Variants in PCDHGA8 observed in about 807,000 individuals in gnomAD.
The protein encoded by PCDHGA8 is protocadherin gamma subfamily A, 8.
PCDHGA8 carries 45 observed loss-of-function variants against 59.2 expected under a neutral mutation model. The observed-to-expected ratio is 0.76, with a 90% CI of 0.60 to 0.98. The LOEUF (loss-of-function observed/expected upper bound fraction) is 0.98. PCDHGA8 is among the 50% of genes least tolerant of loss of function. The pLI, the probability that PCDHGA8 is intolerant of heterozygous loss-of-function variation, is 0.00. For synonymous variants in PCDHGA8, 531 were observed against 519.0 expected (o/e 1.02, Z -0.32); for missense variants, 1,257 against 1,196.2 (o/e 1.05, Z -0.75).
rs537619617 is a variant in PCDHGA8 at position 141,483,429 on chromosome 5, C to G, written c.2425-11378C>G. On this transcript the variant is annotated intron_variant, in intron 1 of 3. Coordinates refer to ENST00000398604, the MANE Select transcript of PCDHGA8 (RefSeq NM_032088.2). ...ACAGTGGCAGTACAGATGGAGGGAGCTGACTACAATAAAATCATCAGGACT... is the reference window on the plus strand; with the variant it reads ...ACAGTGGCAGTACAGATGGAGGGAGGTGACTACAATAAAATCATCAGGACT... Among the ~76,000 whole-genome samples the G allele has an allele frequency of 5.3e-5, 8 of 152,158 alleles. No individual in the cohort carries two copies. In the East Asian group the frequency reaches 1.5e-3, roughly 29 times the overall value.
intron 1 of PCDHGA8, among the ~76,000 whole-genome samples, chr5:141,401,288 G>A (rs973425272): frequency 1.3e-5 from 2 of 152,094 alleles, no homozygotes; most frequent in Non-Finnish European, 2.9e-5. Flanking sequence ...GTTGCGGTGA[G>A]CCGAGATCAC....
intron 1 of PCDHGA8, among the ~76,000 whole-genome samples, chr5:141,467,032 T>G (rs551565159): frequency 2.0e-5 from 3 of 152,164 alleles, no homozygotes; most frequent in Non-Finnish European, 2.9e-5. Flanking sequence ...GTTTTTGTTT[T>G]TTGTGTAATG....
At chr5:141,433,391 CTA>C (rs1477426085) in intron 1 of PCDHGA8, among the ~76,000 whole-genome samples, 3 of 151,570 alleles carry the variant, frequency 2.0e-5, no homozygotes, top group African/African-American at 7.3e-5. Context: ...ATCTATCTAT[CTA>C]TCTATCTATC....
At chr5:141,413,234 T>C (rs2095618811) in intron 1 of PCDHGA8, 2 of 1,613,838 alleles carry the variant, frequency 1.2e-6, no homozygotes, top group Non-Finnish European at 1.7e-6. Context: ...CTGGTCCTGC[T>C]CTGCCTTTTC....
intron 1 of PCDHGA8, chr5:141,413,740 C>T (rs1274240064): frequency 5.6e-6 from 9 of 1,613,284 alleles, no homozygotes; most frequent in African/African-American, 1.3e-5. Flanking sequence ...AGTTCAGAGC[C>T]GTGCCAATGG....
chr5:141,434,992 C>A (rs2097735368), intron 1 of PCDHGA8, among the ~76,000 whole-genome samples: 1 of 151,902 alleles, frequency 6.6e-6, no homozygotes, highest in Non-Finnish European at 1.5e-5. Context: ...ATATCATTTT[C>A]TAGCTGAATT....
chr5:141,489,283 G>A lies in PCDHGA8; in HGVS notation c.2425-5524G>A. The A allele has an allele frequency of 6.4e-7, 1 of 1,569,594 alleles. No homozygotes were observed. Among genetic ancestry groups the A allele is most frequent in the Admixed American group, 1.8e-5 (1 of 55,646 alleles). ...CCCACAGCTCGCTGGGAAATGGCAA[G>A]TGCTGTGCATGTTGTCCTTGTGCTG... On this transcript the variant is annotated intron_variant, in intron 1 of 3. Coordinates refer to ENST00000398604, the MANE Select transcript of PCDHGA8 (RefSeq NM_032088.2). This position sits in a 1 kb window ranked among gnomAD's most constrained non-coding sequence, Gnocchi z 4.5.
In PCDHGA8 at chr5:141,511,979, T is replaced by C. The variant is rs1205375941; in HGVS notation, c.*806T>C. ...AGGAAGGGAAGTGTGTGGATGTGGA[T>C]GGTGGGGGCATGGACAAAGCTTGAC... On this transcript the variant is annotated 3_prime_UTR_variant, in exon 4 of 4. Transcript: ENST00000398604. The C allele has an allele frequency of 6.5e-5, 10 of 153,278 alleles. No individual in the cohort carries two copies. The highest frequency in any genetic ancestry group is 1.5e-4 in the Non-Finnish European group (10 of 68,568). The allele number at this position is 153,278 out of a possible 1,614,324, so 9.5% of individuals were successfully genotyped here.
Position 141,489,533 on chromosome 5 carries a change from C to G in PCDHGA8, c.2425-5274C>G, listed in dbSNP as rs754586925. The G allele has an allele frequency of 6.2e-7, 1 of 1,614,086 alleles. No individual in the cohort carries two copies. The highest frequency in any genetic ancestry group is 1.7e-5 in the Admixed American group (1 of 60,030). ...ATTGACCGAGAAAGCCTATGTGGAG[C>G]CAGCACCAGCTGCCTGCTGCCAGTG... On this transcript the variant is annotated intron_variant, in intron 1 of 3. Coordinates refer to ENST00000398604, the MANE Select transcript of PCDHGA8 (RefSeq NM_032088.2). The surrounding 1 kb of genome is among the most constrained non-coding windows in gnomAD (Gnocchi z 4.5).
At chr5:141,444,876 G>A (rs921183358) in intron 1 of PCDHGA8, among the ~76,000 whole-genome samples, 1 of 152,186 alleles carries the variant, frequency 6.6e-6, no homozygotes, top group African/African-American at 2.4e-5. Flanking sequence ...GACAAAGCTT[G>A]TAGGATTTTT....
intron 1 of PCDHGA8, chr5:141,422,988 C>T: frequency 6.2e-7 from 1 of 1,614,232 alleles, no homozygotes; most frequent in Non-Finnish European, 8.5e-7. Context: ...AACCTGGCTA[C>T]CTGGTGACCA....
intron 2 of PCDHGA8, among the ~76,000 whole-genome samples, chr5:141,502,625 T>G (rs2099815384): frequency 6.6e-6 from 1 of 152,210 alleles, no homozygotes; most frequent in Admixed American, 6.5e-5. Context: ...ATAAGTAATC[T>G]GTGGATGATA....
At chr5:141,452,524 C>T (rs542476667) in intron 1 of PCDHGA8, among the ~76,000 whole-genome samples, 83 of 152,294 alleles carry the variant, frequency 5.4e-4, no homozygotes, top group African/African-American at 1.9e-3. Flanking sequence ...CCCTCAAAAT[C>T]GTGAGTTCAT....
At chr5:141,419,936 G>C in intron 1 of PCDHGA8, 1 of 1,614,074 alleles carries the variant, frequency 6.2e-7, no homozygotes, top group Non-Finnish European at 8.5e-7. Context: ...GTTTTACCTG[G>C]TGGTGGCCTT....
At chr5:141,420,077 C>A (rs760626443) in intron 1 of PCDHGA8, 1 of 1,613,900 alleles carries the variant, frequency 6.2e-7, no homozygotes, top group Non-Finnish European at 8.5e-7. Context: ...ACCTGTGGGT[C>A]CCCCCAACTA....
At chr5:141,492,218 T>C (rs2099738354) in intron 1 of PCDHGA8, among the ~76,000 whole-genome samples, 1 of 152,114 alleles carries the variant, frequency 6.6e-6, no homozygotes. Flanking sequence ...GCGGGGCTCA[T>C]GCGTGTCCTC....
chr5:141,420,301 CT>C, intron 1 of PCDHGA8: 1 of 1,462,308 alleles, frequency 6.8e-7, no homozygotes, highest in Non-Finnish European at 9.2e-7. Flanking sequence ...GTATTTAATC[CT>C]TTTTATATTA....
At chr5:141,399,798 G>C in intron 1 of PCDHGA8, 1 of 1,613,236 alleles carries the variant, frequency 6.2e-7, no homozygotes, top group Non-Finnish European at 8.5e-7. Flanking sequence ...ACGCACCGCG[G>C]GTGCTGTACC....
intron 2 of PCDHGA8, among the ~76,000 whole-genome samples, chr5:141,496,334 G>T (rs959266723): frequency 2.6e-5 from 4 of 152,240 alleles, no homozygotes; most frequent in Admixed American, 6.5e-5. Context: ...GAAGTCAGGA[G>T]CCTGGAGGAG....
Sources: gnomAD v4.1 joint callset for allele counts (sites outside exome capture counted in the v4.1 genomes callset) on GRCh38, gnomAD v4.1.1 for gene constraint, Gnocchi (gnomAD v3.1) non-coding constraint, MANE v1.5 for transcripts, NCBI Gene and HGNC (gene_info 2026-07-23, HGNC 2026-07-21) for gene names.